Variants in GALNT11 observed in about 807,000 individuals in gnomAD.
GALNT11 encodes the protein UDP-GalNAc:polypeptide N-acetylgalactosaminyltransferase 11.
A neutral mutation model predicts 72.7 loss-of-function variants in GALNT11; 47 were observed. The observed-to-expected ratio is 0.65, with a 90% CI of 0.51 to 0.82. The LOEUF (loss-of-function observed/expected upper bound fraction) is 0.82. Ranked by LOEUF, GALNT11 falls within the 40% of genes least tolerant of loss-of-function variation. GALNT11 has a pLI of 0.00. For synonymous variants in GALNT11, 270 were observed against 286.6 expected (o/e 0.94, Z 0.58); for missense variants, 677 against 778.4 (o/e 0.87, Z 1.55).
intron 1 of GALNT11, among the ~76,000 whole-genome samples, chr7:152,030,303 C>A (rs1554415122): frequency 6.6e-6 from 1 of 152,108 alleles, no homozygotes; most frequent in Non-Finnish European, 1.5e-5. Context: ...CCTCTGGTGG[C>A]CCTGTCCGAG....
intron 1 of GALNT11, among the ~76,000 whole-genome samples, chr7:152,044,242 C>T (rs192067554): frequency 2.5e-4 from 38 of 152,252 alleles, no homozygotes; most frequent in East Asian, 1.7e-3. Flanking sequence ...GTATTCCTTA[C>T]GGGAAATAAA....
chr7:152,056,438 G>A (rs2083681666), intron 1 of GALNT11, among the ~76,000 whole-genome samples: 1 of 152,174 alleles, frequency 6.6e-6, no homozygotes, highest in Admixed American at 6.5e-5. Context: ...CCTTGGGTGA[G>A]AACCACTGGA....
Position 152,075,571 on chromosome 7 carries a change from G to GCCAAGGC in GALNT11, c.-38-18618_-38-18617insCAAGGCC, listed in dbSNP as rs60519366. On this transcript the variant is annotated intron_variant, in intron 1 of 11. Transcript: ENST00000430044. ...AATCCCAGCACTTTGGGAGGCCAAG[G>GCCAAGGC]CAAGGCTGGCGGATCACCTGAGGTC... 3.3e-5 allele frequency among the ~76,000 whole-genome samples: 5 copies of GCCAAGGC among 152,340 alleles called. No homozygotes were observed. The East Asian group carries it at 5.8e-4, about 18-fold the overall frequency.
intron 1 of GALNT11, among the ~76,000 whole-genome samples, chr7:152,057,063 C>T (rs2083724569): frequency 6.9e-6 from 1 of 145,786 alleles, no homozygotes; most frequent in South Asian, 2.2e-4. Flanking sequence ...TGCGATGTTG[C>T]CCAGGCCAGT....
At chr7:152,095,087 TTATATC>T (rs936135788) in intron 2 of GALNT11, among the ~76,000 whole-genome samples, 1 of 152,192 alleles carries the variant, frequency 6.6e-6, no homozygotes, top group African/African-American at 2.4e-5. Context: ...CTGGGGTTAT[TTATATC>T]TAATATGATT....
Position 152,120,886 on chromosome 7 carries a change from A to T in GALNT11, c.1613A>T (p.Asp538Val). ...ELVLNSLLCLDMSETRSSDPP... is the reference protein window; with the variant it reads ...ELVLNSLLCLVMSETRSSDPP... Reference sequence around the variant, plus strand: ...GTTTTAAATAGTCTCCTTTGTCTAGATATGTCAGAGACTCGCTCATCAGAC... The same window carrying T: ...GTTTTAAATAGTCTCCTTTGTCTAGTTATGTCAGAGACTCGCTCATCAGAC... The change falls in exon 11 of 12, where the codon GAT becomes GTT. Residue 538 changes from aspartate (D) to valine (V), a missense_variant. Transcript: ENST00000430044. 1 of 1,613,708 alleles carries T rather than the reference A, an allele frequency of 6.2e-7. No homozygotes were observed. The highest frequency in any genetic ancestry group is 8.5e-7 in the Non-Finnish European group (1 of 1,179,668).
At chr7:152,043,047 T>G (rs919218862) in intron 1 of GALNT11, among the ~76,000 whole-genome samples, 1 of 152,232 alleles carries the variant, frequency 6.6e-6, no homozygotes, top group Non-Finnish European at 1.5e-5. Flanking sequence ...CTGCTTTGCC[T>G]TGTTTATTTG....
At chr7:152,063,400 T>C (rs2084125356) in intron 1 of GALNT11, among the ~76,000 whole-genome samples, 2 of 152,220 alleles carry the variant, frequency 1.3e-5, no homozygotes, top group African/African-American at 4.8e-5. Flanking sequence ...TGCTGATCTT[T>C]TCAAAAAACC....
rs148681332 is a variant in GALNT11, at chr7:152,059,690, C to A, written c.-39+33806C>A. ...TGAGCAGTGATATTTTGAAAGCAATCTTTCTGATTAGTAGGTCTCAACAGT... is the reference window on the plus strand; with the variant it reads ...TGAGCAGTGATATTTTGAAAGCAATATTTCTGATTAGTAGGTCTCAACAGT... On this transcript the variant is annotated intron_variant, in intron 1 of 11. Coordinates refer to ENST00000430044, the MANE Select transcript of GALNT11 (RefSeq NM_022087.4). 9.2e-5 allele frequency among the ~76,000 whole-genome samples: 14 copies of A among 152,300 alleles called. No individual in the cohort carries two copies. The East Asian group carries it at 2.7e-3, about 29-fold the overall frequency.
intron 1 of GALNT11, among the ~76,000 whole-genome samples, chr7:152,056,182 G>A (rs1157401968): frequency 5.9e-5 from 9 of 152,176 alleles, no homozygotes; most frequent in Non-Finnish European, 7.3e-5. Context: ...GGAAAATGCC[G>A]TTTAGAATCC....
Position 152,121,693 on chromosome 7 carries a change from G to C in GALNT11, c.*16G>C, listed in dbSNP as rs752280661. 1.2e-6 allele frequency: 2 copies of C among 1,606,862 alleles called. No individual in the cohort carries two copies. The highest frequency in any genetic ancestry group is 2.7e-5 in the African/African-American group (2 of 74,690). On this transcript the variant is annotated 3_prime_UTR_variant, in exon 12 of 12. Transcript: ENST00000430044. ...GGAAGGTTAAGGTGGATGCTGTGGT[G>C]GGAACGTTGCTTCATCAGGCGTTGC...
In GALNT11 at chr7:152,061,325, G is replaced by GT. The variant is rs775519155; in HGVS notation, c.-38-32858dup. 4.2e-4 allele frequency among the ~76,000 whole-genome samples: 64 copies of GT among 152,130 alleles called. 1 individual carries two copies. The highest frequency in any genetic ancestry group is 2.9e-5 in the Non-Finnish European group (2 of 68,006). ...CGCCCACTTTTTGATGGGGTTGTTTGTTTTTTTCTTGTAAGTTTGTTTGAG... is the reference window on the plus strand; with the variant it reads ...CGCCCACTTTTTGATGGGGTTGTTTGTTTTTTTTCTTGTAAGTTTGTTTGAG... On this transcript the variant is annotated intron_variant, in intron 1 of 11. Transcript: ENST00000430044.
chr7:152,075,492 C>T (rs1262058174), intron 1 of GALNT11, among the ~76,000 whole-genome samples: 1 of 152,258 alleles, frequency 6.6e-6, no homozygotes, highest in Non-Finnish European at 1.5e-5. Context: ...GTAGCTTTCG[C>T]TTTCCTTAGA....
chr7:152,112,330 G>A (rs1167244158), intron 7 of GALNT11, among the ~76,000 whole-genome samples: 2 of 152,170 alleles, frequency 1.3e-5, no homozygotes, highest in Non-Finnish European at 2.9e-5. Context: ...CCTGAGGTCA[G>A]GAGTTCAAGA....
intron 1 of GALNT11, among the ~76,000 whole-genome samples, chr7:152,076,101 G>C (rs1294432986): frequency 7.3e-6 from 1 of 137,766 alleles, no homozygotes; most frequent in African/African-American, 2.7e-5. Context: ...GAAGAAGAGA[G>C]AAAAGTTCAT....
intron 1 of GALNT11, among the ~76,000 whole-genome samples, chr7:152,053,212 C>T (rs1032397869): frequency 4.6e-5 from 7 of 152,156 alleles, no homozygotes; most frequent in Non-Finnish European, 8.8e-5. Flanking sequence ...GCATGCAGAA[C>T]AAGTTAATTC....
chr7:152,084,225 A>G (rs2085490946), intron 1 of GALNT11, among the ~76,000 whole-genome samples: 1 of 151,170 alleles, frequency 6.6e-6, no homozygotes, highest in South Asian at 2.1e-4. Flanking sequence ...CAATTTTAAT[A>G]AGTTGTATTT....
At chr7:152,116,758 C>A in intron 8 of GALNT11, 1 of 352,886 alleles carries the variant, frequency 2.8e-6, no homozygotes, top group South Asian at 2.3e-5. Flanking sequence ...TTTAAGCCAG[C>A]CAGCCAGCAA....
intron 1 of GALNT11, among the ~76,000 whole-genome samples, chr7:152,073,514 T>C (rs2079604735): frequency 6.6e-6 from 1 of 152,266 alleles, no homozygotes; most frequent in Admixed American, 6.5e-5. Context: ...TCATTGTGTT[T>C]ATATTCCACA....
Sources: allele counts gnomAD v4.1 joint callset (sites outside exome capture counted in the v4.1 genomes callset), GRCh38; gene constraint gnomAD v4.1.1; transcripts MANE v1.5; gene names NCBI Gene and HGNC (gene_info 2026-07-23, HGNC 2026-07-21).